AKR1C3: variants seen among roughly 807,000 people sequenced by gnomAD.
The protein encoded by AKR1C3 is 3-alpha hydroxysteroid dehydrogenase, type II.
AKR1C3 carries 48 observed loss-of-function variants against 43.6 expected under a neutral mutation model. That is an observed-to-expected ratio of 1.10 (90% CI 0.87 to 1.40). The LOEUF is 1.40. Ranked by LOEUF, AKR1C3 falls within the 40% of genes most tolerant of loss-of-function variation. The probability of loss-of-function intolerance (pLI) is 0.00; values close to 1 mark genes in which losing one functional copy is unlikely to be tolerated. For missense variants in AKR1C3, 482 were observed against 391.2 expected, an observed-to-expected ratio of 1.23 and a Z score of -1.96; for synonymous variants, 162 against 139.6, an observed-to-expected ratio of 1.16 and a Z score of -1.13.
intron 1 of AKR1C3, among the ~76,000 whole-genome samples, chr10:5,087,891 T>G (rs1472370895): frequency 6.6e-6 from 1 of 152,146 alleles, no homozygotes; most frequent in Non-Finnish European, 1.5e-5. Context: ...TGCTCTTATT[T>G]TTCTAGTTCC....
intron 1 of AKR1C3, among the ~76,000 whole-genome samples, chr10:5,072,692 G>A (rs1237680591): frequency 3.3e-5 from 5 of 152,188 alleles, no homozygotes; most frequent in African/African-American, 9.7e-5. Flanking sequence ...GGATAAAGGT[G>A]ACTGTCTAGC....
intron 1 of AKR1C3, among the ~76,000 whole-genome samples, chr10:5,061,849 C>CT (rs1838389923): frequency 6.6e-6 from 1 of 152,220 alleles, no homozygotes; most frequent in Non-Finnish European, 1.5e-5. Flanking sequence ...ATAAGGCATG[C>CT]TTGTAAGTAT....
intron 2 of AKR1C3, 125 bp downstream of exon 2, chr10:5,096,702 TACTC>T: frequency 5.6e-6 from 8 of 1,422,486 alleles, no homozygotes; most frequent in South Asian, 1.6e-5. Context: ...TATTCACACA[TACTC>T]ACATACTAAA....
chr10:5,099,358 C>G lies in AKR1C3; in HGVS notation c.479C>G (p.Ala160Gly), dbSNP rs138882693. 1.2e-6 allele frequency: 2 copies of G among 1,614,020 alleles called. No individual in the cohort carries two copies. The highest frequency in any genetic ancestry group is 1.7e-6 in the Non-Finnish European group (2 of 1,180,036). Residue 160 changes from alanine to glycine, a missense_variant, in exon 5 of 9, where the codon GCC becomes GGC. Coordinates refer to ENST00000380554, the MANE Select transcript of AKR1C3 (RefSeq NM_003739.6). The stretch of plus-strand genomic sequence containing the variant: ...GAGAAGTGTAAGGATGCAGGATTGG[C>G]CAAGTCCATTGGGGTGTCAAACTTC... Reference protein sequence around the residue: ...AMEKCKDAGLAKSIGVSNFNR... With the variant: ...AMEKCKDAGLGKSIGVSNFNR...
At chr10:5,105,942 T>C (rs1363250407) in intron 8 of AKR1C3, among the ~76,000 whole-genome samples, 1 of 152,214 alleles carries the variant, frequency 6.6e-6, no homozygotes, top group Non-Finnish European at 1.5e-5. Context: ...GTCTGCACGT[T>C]CCATATAGGC....
intron 1 of AKR1C3, among the ~76,000 whole-genome samples, chr10:5,072,960 ATTTG>A (rs1217635856): frequency 4.0e-5 from 6 of 151,798 alleles, no homozygotes; most frequent in Non-Finnish European, 7.4e-5. Flanking sequence ...TTTAAATTTT[ATTTG>A]TTTATTTATT....
At chr10:5,094,292 C>A, upstream of AKR1C3, 1 of 651,532 alleles carries the variant, frequency 1.5e-6, no homozygotes, top group Non-Finnish European at 2.5e-6. Flanking sequence ...CTCCACAGAC[C>A]ATATAAGACT....
At chr10:5,059,611 C>T (rs1400009778) in intron 1 of AKR1C3, among the ~76,000 whole-genome samples, 1 of 152,180 alleles carries the variant, frequency 6.6e-6, no homozygotes, top group East Asian at 1.9e-4. Context: ...ACACCCGTGT[C>T]TTTAGTCCAG....
intron 8 of AKR1C3, among the ~76,000 whole-genome samples, chr10:5,106,900 G>A (rs1346452130): frequency 7.0e-5 from 7 of 100,444 alleles, no homozygotes; most frequent in African/African-American, 2.8e-4. Context: ...TATTTTTTTA[G>A]TTTCAAGGAA....
intron 1 of AKR1C3, among the ~76,000 whole-genome samples, chr10:5,070,196 CAG>C (rs1838589926): frequency 6.6e-6 from 1 of 152,162 alleles, no homozygotes; most frequent in South Asian, 2.1e-4. Flanking sequence ...CTGTATGAAA[CAG>C]AAAGGAAAGG....
At chr10:5,060,689 A>G (rs1838364856) in intron 1 of AKR1C3, among the ~76,000 whole-genome samples, 1 of 151,906 alleles carries the variant, frequency 6.6e-6, no homozygotes, top group African/African-American at 2.4e-5. Flanking sequence ...ATGTGCCCGC[A>G]CTCCTCAGCC....
chr10:5,061,012 C>A (rs1327767345), intron 1 of AKR1C3, among the ~76,000 whole-genome samples: 1 of 152,218 alleles, frequency 6.6e-6, no homozygotes, highest in Non-Finnish European at 1.5e-5. Context: ...CCAGTTCCCT[C>A]CCGTGCCTCT....
rs1588356592 is a variant in AKR1C3 at position 5,099,382 on chromosome 10, T to C, written c.503T>C (p.Phe168Ser). 6.2e-7 allele frequency: 1 copy of C among 1,614,134 alleles called. No individual in the cohort carries two copies. Among genetic ancestry groups the C allele is most frequent in the Non-Finnish European group, 8.5e-7 (1 of 1,180,026 alleles). ...GLAKSIGVSN[F>S]NRRQLEMILN... ...GCCAAGTCCATTGGGGTGTCAAACT[T>C]CAACCGCAGGCAGCTGGAGATGATC... The change falls in exon 5 of 9, where the codon TTC (phenylalanine) becomes TCC (serine). Residue 168 changes from phenylalanine (F) to serine (S), a missense_variant. By Grantham distance (155) the Phe-to-Ser change is radical. Coordinates refer to ENST00000380554, the MANE Select transcript of AKR1C3 (RefSeq NM_003739.6).
At position 5,096,450 on chromosome 10, in the gene AKR1C3, T is replaced by G. The variant is rs782308454; in HGVS notation, c.125T>G (p.Ile42Arg). ...GCTTTGGAGGTCACAAAATTAGCAATAGAAGCTGGGTTCCGCCATATAGAT... is the reference window on the plus strand; with the variant it reads ...GCTTTGGAGGTCACAAAATTAGCAAGAGAAGCTGGGTTCCGCCATATAGAT... ...SKALEVTKLA[I>R]EAGFRHIDSA... Residue 42 changes from isoleucine to arginine, a missense_variant, in exon 2 of 9, where the codon ATA becomes AGA. Transcript: ENST00000380554. 3.7e-6 allele frequency: 6 copies of G among 1,613,566 alleles called. No homozygotes were observed. The African/African-American group carries it at 8.0e-5, about 22-fold the overall frequency.
chr10:5,057,369 C>A (rs1367671315), intron 1 of AKR1C3, among the ~76,000 whole-genome samples: 3 of 152,136 alleles, frequency 2.0e-5, no homozygotes, highest in Non-Finnish European at 4.4e-5. Context: ...TCCTCTTGGT[C>A]CCTATTATAG....
intron 5 of AKR1C3, among the ~76,000 whole-genome samples, chr10:5,100,711 A>G (rs1457384017): frequency 6.6e-6 from 1 of 152,226 alleles, no homozygotes; most frequent in African/African-American, 2.4e-5. Flanking sequence ...CTAATGATAC[A>G]GTTCCATCAT....
At chr10:5,060,910 GC>G (rs1554780169) in intron 1 of AKR1C3, among the ~76,000 whole-genome samples, 1 of 152,220 alleles carries the variant, frequency 6.6e-6, no homozygotes, top group African/African-American at 2.4e-5. Context: ...ACTGCCTGGG[GC>G]TTGCGGGCTG....
At chr10:5,083,886 G>A (rs1264486496) in intron 1 of AKR1C3, among the ~76,000 whole-genome samples, 1 of 152,194 alleles carries the variant, frequency 6.6e-6, no homozygotes, top group Non-Finnish European at 1.5e-5. Context: ...CTTTTGAGAA[G>A]TGTCTGTTCA....
intron 1 of AKR1C3, chr10:5,080,690 A>T (rs1298070185): frequency 6.6e-6 from 1 of 152,312 alleles, no homozygotes; most frequent in African/African-American, 2.4e-5. Flanking sequence ...TGTAGTGTTT[A>T]GGAAGGATGG....
Sources: allele counts gnomAD v4.1 joint callset (sites outside exome capture counted in the v4.1 genomes callset), GRCh38; gene constraint gnomAD v4.1.1; transcripts MANE v1.5; gene names NCBI Gene and HGNC (gene_info 2026-07-23, HGNC 2026-07-21).